The following PSMC5 variants were observed in gnomAD, a reference collection of about 807,000 sequenced individuals.
PSMC5 encodes 26S proteasome regulatory subunit 8.
PSMC5 carries 11 observed loss-of-function variants against 49.1 expected under a neutral mutation model. That is an observed-to-expected ratio of 0.22 (90% CI 0.14 to 0.37). PSMC5 has a LOEUF of 0.37. Ranked by LOEUF, PSMC5 falls within the 10% of genes least tolerant of loss-of-function variation. The pLI is 1.00. For missense variants in PSMC5, 229 were observed against 520.9 expected, an observed-to-expected ratio of 0.44 and a Z score of 5.45; for synonymous variants, 206 against 192.2, an observed-to-expected ratio of 1.07 and a Z score of -0.59.
Position 63,827,528 on chromosome 17 carries a change from A to C in PSMC5, c.24+14A>C. The C allele has an allele frequency of 1.9e-6, 3 of 1,550,608 alleles. No individual in the cohort carries two copies. In the South Asian group the frequency reaches 3.6e-5, roughly 18 times the overall value. On this transcript the variant is annotated intron_variant, in intron 1 of 11. Transcript: ENST00000310144. ...GGACCAGAGCAGGTATGGCGGGTGC[A>C]GTGGCGGCCCGGCAGGTTACGGGGC... is the stretch of plus-strand genomic sequence containing the variant.
At position 63,831,007 on chromosome 17, in the gene PSMC5, T is replaced by A; in HGVS notation, c.680-29T>A. 1 of 1,602,206 alleles carries A rather than the reference T, an allele frequency of 6.2e-7. No homozygotes were observed. The highest frequency in any genetic ancestry group is 8.5e-7 in the Non-Finnish European group (1 of 1,173,030). ...TTAGAGAGCTAATAAGCTAATAAGC[T>A]CCCTAACACCAGCTCGGCCTCCACA... is the stretch of plus-strand genomic sequence containing the variant. On this transcript the variant is annotated intron_variant, in intron 7 of 11. Transcript: ENST00000310144. The surrounding 1 kb of genome is among the most constrained non-coding windows in gnomAD (Gnocchi z 6.3).
chr17:63,830,910 A>G lies in PSMC5; in HGVS notation c.654A>G (p.Glu218=), dbSNP rs1414344989. 4.3e-6 allele frequency: 7 copies of G among 1,613,812 alleles called. No homozygotes were observed. In the African/African-American group the frequency reaches 9.4e-5, roughly 22 times the overall value. Residue 218 remains glutamate (E), a synonymous_variant, in exon 7 of 12, where the codon GAA becomes GAG. Transcript: ENST00000310144. The surrounding 1 kb of genome is among the most constrained non-coding windows in gnomAD (Gnocchi z 4.0). The stretch of plus-strand genomic sequence containing the variant: ...CCTTTATTCGTGTCTCTGGCTCTGA[A>G]CTGGTACAGAAATTCATAGGGGAAG... ...DCTFIRVSGS[E]LVQKFIGEGA...
In PSMC5 at chr17:63,830,951, A is replaced by G; in HGVS notation, c.679+16A>G. 4.3e-6 allele frequency: 7 copies of G among 1,614,068 alleles called. No homozygotes were observed. The highest frequency in any genetic ancestry group is 5.1e-6 in the Non-Finnish European group (6 of 1,179,982). On this transcript the variant is annotated intron_variant, in intron 7 of 11. Coordinates refer to ENST00000310144, the MANE Select transcript of PSMC5 (RefSeq NM_002805.6). This position sits in a 1 kb window ranked among gnomAD's most constrained non-coding sequence, Gnocchi z 4.0. Reference sequence around the variant, plus strand: ...ATAGGGGAAGGTAACCATGGCTAGCAATGTGAGAAGCAAGAGGTAGGGGTA... The same window carrying G: ...ATAGGGGAAGGTAACCATGGCTAGCGATGTGAGAAGCAAGAGGTAGGGGTA...
intron 4 of PSMC5, 25 bp downstream of exon 4, chr17:63,829,974 C>T (rs1408186451): frequency 6.3e-7 from 1 of 1,592,664 alleles, no homozygotes; most frequent in Non-Finnish European, 8.6e-7. Context: ...ACCCCAGGGA[C>T]CAGCTCGGTC....
chr17:63,829,431 A>G, intron 2 of PSMC5, 63 bp from the exon 3 acceptor site: 2 of 1,496,706 alleles, frequency 1.3e-6, no homozygotes, highest in Non-Finnish European at 1.8e-6. Flanking sequence ...GGTCTTGGCC[A>G]AGATCCTACC....
chr17:63,830,382 G>C lies in PSMC5; in HGVS notation c.433G>C (p.Asp145His), dbSNP rs146976250. The C allele has an allele frequency of 6.2e-7, 1 of 1,614,116 alleles. No homozygotes were observed. Among genetic ancestry groups the C allele is most frequent in the Non-Finnish European group, 8.5e-7 (1 of 1,180,042 alleles). The part of the protein sequence containing the change: ...VSLMMVEKVP[D>H]STYEMIGGLD... ...ACTGATGATGGTGGAGAAAGTACCA[G>C]ATTCAACTTATGAGATGATTGGTGG... Residue 145 changes from aspartate (D) to histidine (H), a missense_variant, in exon 6 of 12, where the codon GAT becomes CAT. Physicochemically the swap from Asp to His is moderately conservative, Grantham distance 81 (BLOSUM62 -1). This residue lies in a region of PSMC5 where 0 missense variants were observed against 23.9 expected (regional missense o/e 0.00). Transcript: ENST00000310144. The surrounding 1 kb of genome is among the most constrained non-coding windows in gnomAD (Gnocchi z 4.0).
chr17:63,830,183 C>G lies in PSMC5; in HGVS notation c.315C>G (p.Ile105Met). The change falls in exon 5 of 12, where the codon ATC becomes ATG. Residue 105 changes from isoleucine to methionine, a missense_variant. This residue lies in a region of PSMC5 where 98 missense variants were observed against 144.0 expected (regional missense o/e 0.68). Transcript: ENST00000310144. This position sits in a 1 kb window ranked among gnomAD's most constrained non-coding sequence, Gnocchi z 4.0. ...FVVDVDKNID[I>M]NDVTPNCRVA... ...TAGACGTGGACAAAAACATTGACAT[C>G]AATGATGTGAGTGTAGCAGGTGAGG... 8 of 1,614,112 alleles carry G rather than the reference C, an allele frequency of 5.0e-6. No individual in the cohort carries two copies. Among genetic ancestry groups the G allele is most frequent in the Non-Finnish European group, 6.8e-6 (8 of 1,180,016 alleles).
rs534233529 is a variant in PSMC5 at position 63,831,103 on chromosome 17, C to T, written c.747C>T (p.Asp249=). The T allele has an allele frequency of 4.0e-5, 62 of 1,568,168 alleles. No homozygotes were observed. Among genetic ancestry groups the T allele is most frequent in the South Asian group, 3.0e-4 (25 of 82,856 alleles). ...ATGCTCCATCTATCATCTTCATGGA[C>T]GAAATCGACTCCATCGGCTCCTCGC... is the stretch of plus-strand genomic sequence containing the variant. ...REHAPSIIFM[D]EIDSIGSSRL... is the part of the protein sequence containing the mutation. The change falls in exon 8 of 12, where the codon GAC becomes GAT. Residue 249 remains aspartate, a synonymous_variant. Coordinates refer to ENST00000310144, the MANE Select transcript of PSMC5 (RefSeq NM_002805.6). This position sits in a 1 kb window ranked among gnomAD's most constrained non-coding sequence, Gnocchi z 6.3.
chr17:63,830,019 G>T lies in PSMC5; in HGVS notation c.264+70G>T. On this transcript the variant is annotated intron_variant, in intron 4 of 11. Transcript: ENST00000310144. The surrounding 1 kb of genome is among the most constrained non-coding windows in gnomAD (Gnocchi z 4.0). Reference sequence around the variant, plus strand: ...TTCCCACCCCTTTGTGTGTAGCCTCGGGAGACAGGGTTCTGTGTTCTGTCA... The same window carrying T: ...TTCCCACCCCTTTGTGTGTAGCCTCTGGAGACAGGGTTCTGTGTTCTGTCA... 1 of 1,562,116 alleles carries T rather than the reference G, an allele frequency of 6.4e-7. No individual in the cohort carries two copies. The highest frequency in any genetic ancestry group is 8.7e-7 in the Non-Finnish European group (1 of 1,147,866).
At chr17:63,829,412 G>C (rs1359054347) in intron 2 of PSMC5, 82 bp from the exon 3 acceptor site, 20 of 1,294,974 alleles carry the variant, frequency 1.5e-5, no homozygotes, top group African/African-American at 3.0e-5. Flanking sequence ...AGCTCATTCA[G>C]ACCTGTGAGG....
Position 63,830,120 on chromosome 17 carries a change from C to T in PSMC5, c.265-13C>T. 1 of 1,612,684 alleles carries T rather than the reference C, an allele frequency of 6.2e-7. No homozygotes were observed. The highest frequency in any genetic ancestry group is 1.1e-5 in the South Asian group (1 of 90,820). ...TGGCTGTCAAGGAAGGTCATGAGCCCTTGTTTCTTTAGGTACATCCTGAAG... is the reference window on the plus strand; with the variant it reads ...TGGCTGTCAAGGAAGGTCATGAGCCTTTGTTTCTTTAGGTACATCCTGAAG... On this transcript the variant is annotated splice_polypyrimidine_tract_variant and intron_variant, in intron 4 of 11. Coordinates refer to ENST00000310144, the MANE Select transcript of PSMC5 (RefSeq NM_002805.6). This position sits in a 1 kb window ranked among gnomAD's most constrained non-coding sequence, Gnocchi z 4.0.
At chr17:63,828,044 T>C in intron 1 of PSMC5, 94 bp from the exon 2 acceptor site, 2 of 1,461,592 alleles carry the variant, frequency 1.4e-6, no homozygotes, top group Non-Finnish European at 1.9e-6. Flanking sequence ...TACGCAAAGC[T>C]ACCTGGTGTC....
chr17:63,829,694 C>G (rs2040158675), intron 3 of PSMC5, 131 bp downstream of exon 3: 1 of 1,210,960 alleles, frequency 8.3e-7, no homozygotes, highest in Non-Finnish European at 1.2e-6. Context: ...TCACATGCAT[C>G]TCTTTTTCCT....
At position 63,830,554 on chromosome 17, in the gene PSMC5, C is replaced by G; in HGVS notation, c.552+53C>G. The G allele has an allele frequency of 6.3e-7, 1 of 1,592,824 alleles. No homozygotes were observed. Among genetic ancestry groups the G allele is most frequent in the Non-Finnish European group, 8.5e-7 (1 of 1,170,818 alleles). ...CCAAGCTGTACTTACTCCTCCTGCCCCAGCCAGCCCTACTGCAGGGGTTGG... is the reference window on the plus strand; with the variant it reads ...CCAAGCTGTACTTACTCCTCCTGCCGCAGCCAGCCCTACTGCAGGGGTTGG... On this transcript the variant is annotated intron_variant, in intron 6 of 11. Coordinates refer to ENST00000310144, the MANE Select transcript of PSMC5 (RefSeq NM_002805.6). The surrounding 1 kb of genome is among the most constrained non-coding windows in gnomAD (Gnocchi z 4.0).
Position 63,830,423 on chromosome 17 carries a change from C to T in PSMC5, c.474C>T (p.Ile158=), listed in dbSNP as rs1399019458. Residue 158 remains isoleucine, a synonymous_variant, in exon 6 of 12, where the codon ATC becomes ATT. Transcript: ENST00000310144. This position sits in a 1 kb window ranked among gnomAD's most constrained non-coding sequence, Gnocchi z 4.0. ...YEMIGGLDKQ[I]KEIKEVIELP... ...TGATTGGTGGACTGGACAAACAGAT[C>T]AAGGAGATCAAAGAAGTGATCGAGC... 1.2e-6 allele frequency: 2 copies of T among 1,614,070 alleles called. No individual in the cohort carries two copies. The highest frequency in any genetic ancestry group is 1.7e-6 in the Non-Finnish European group (2 of 1,180,046).
At position 63,831,674 on chromosome 17, in the gene PSMC5, C is replaced by T. The variant is rs1238591371; in HGVS notation, c.1081-50C>T. The T allele has an allele frequency of 1.9e-6, 3 of 1,613,396 alleles. No homozygotes were observed. The Admixed American group carries it at 5.0e-5, about 27-fold the overall frequency. On this transcript the variant is annotated intron_variant, in intron 10 of 11. Coordinates refer to ENST00000310144, the MANE Select transcript of PSMC5 (RefSeq NM_002805.6). The surrounding 1 kb of genome is among the most constrained non-coding windows in gnomAD (Gnocchi z 6.3). ...GGCAGGAAGCTCTGGGCTCAAGGGC[C>T]ACAGATGAGGGGCACAGCAGTGGGG...
Position 63,830,108 on chromosome 17 carries a change from A to G in PSMC5, c.265-25A>G. 1 of 1,609,798 alleles carries G rather than the reference A, an allele frequency of 6.2e-7. No homozygotes were observed. Among genetic ancestry groups the G allele is most frequent in the Non-Finnish European group, 8.5e-7 (1 of 1,178,032 alleles). On this transcript the variant is annotated intron_variant, in intron 4 of 11. Transcript: ENST00000310144. This position sits in a 1 kb window ranked among gnomAD's most constrained non-coding sequence, Gnocchi z 4.0. ...TTAGTGATTTGGTGGCTGTCAAGGA[A>G]GGTCATGAGCCCTTGTTTCTTTAGG...
rs770557422 is a variant in PSMC5, at chr17:63,831,695, TG to T, written c.1081-25del. 6.8e-6 allele frequency: 11 copies of T among 1,613,930 alleles called. No individual in the cohort carries two copies. The Admixed American group carries it at 1.5e-4, about 22-fold the overall frequency. ...GGGCCACAGATGAGGGGCACAGCAG[TG>T]GGGCCTCAATTTCCTTTTCCTGTTC... On this transcript the variant is annotated intron_variant, in intron 10 of 11. Transcript: ENST00000310144. This position sits in a 1 kb window ranked among gnomAD's most constrained non-coding sequence, Gnocchi z 6.3.
Position 63,830,685 on chromosome 17 carries a change from C to T in PSMC5, c.553-124C>T. On this transcript the variant is annotated intron_variant, in intron 6 of 11. Transcript: ENST00000310144. This position sits in a 1 kb window ranked among gnomAD's most constrained non-coding sequence, Gnocchi z 4.0. ...GTGAGGTGGTTTGGATAGAAGGGAC[C>T]TTGATGTTCCTTTTTTTTTTTTGTA... is the stretch of plus-strand genomic sequence containing the variant. 1 of 1,399,882 alleles carries T rather than the reference C, an allele frequency of 7.1e-7. No individual in the cohort carries two copies. Among genetic ancestry groups the T allele is most frequent in the East Asian group, 2.5e-5 (1 of 39,620 alleles). The allele number at this position is 1,399,882 out of a possible 1,614,324, so 86.7% of individuals were successfully genotyped here. A position where few individuals can be genotyped will look rare whatever the true frequency, so the allele number is the denominator to read the frequency against.
Sources: gnomAD v4.1 joint callset for allele counts on GRCh38, gnomAD v4.1.1 for gene constraint, gnomAD v4.1.1 regional missense constraint, Gnocchi (gnomAD v3.1) non-coding constraint, MANE v1.5 for transcripts, NCBI Gene and HGNC (gene_info 2026-07-23, HGNC 2026-07-21) for gene names.